COX7A2L: variants seen among roughly 807,000 people sequenced by gnomAD.
COX7A2L encodes the protein cytochrome c oxidase subunit 7A2-like, mitochondrial.
A neutral mutation model predicts 14.2 loss-of-function variants in COX7A2L; 18 were observed. The ratio of observed to expected loss-of-function variants is 1.27; its 90% CI spans 0.88 to 1.88. The LOEUF is 1.88. COX7A2L is among the 40% of genes most tolerant of loss of function. COX7A2L has a pLI of 0.00. For missense variants in COX7A2L, 179 were observed against 138.8 expected, an observed-to-expected ratio of 1.29 and a Z score of -1.46; for synonymous variants, 65 against 57.4, an observed-to-expected ratio of 1.13 and a Z score of -0.60.
intron 1 of COX7A2L, among the ~76,000 whole-genome samples, chr2:42,358,088 C>T (rs78331450): frequency 0.12 from 17,838 of 152,210 alleles, 1,139 homozygotes; most frequent in South Asian, 0.25. Context: ...AAAGTGGCTG[C>T]GTCATTTTAC....
chr2:42,361,547 T>TAG (rs1477681454), upstream of COX7A2L: 1 of 169,726 alleles, frequency 5.9e-6, no homozygotes, highest in African/African-American at 2.4e-5. Flanking sequence ...GAGCATGCTT[T>TAG]AGGAGGGGCG....
At chr2:42,352,469 T>G (rs1051788253) in intron 2 of COX7A2L, among the ~76,000 whole-genome samples, 1 of 152,172 alleles carries the variant, frequency 6.6e-6, no homozygotes, top group African/African-American at 2.4e-5. Flanking sequence ...TATTTTGCAG[T>G]GTCCAAAATC....
At chr2:42,366,289 G>C (rs1376889160) in intron 1 of COX7A2L, among the ~76,000 whole-genome samples, 3 of 152,122 alleles carry the variant, frequency 2.0e-5, no homozygotes, top group Non-Finnish European at 4.4e-5. Flanking sequence ...AGTCGGGCGT[G>C]ATTGCACACC....
At chr2:42,362,494 C>T (rs1042858536), upstream of COX7A2L, among the ~76,000 whole-genome samples, 13 of 152,172 alleles carry the variant, frequency 8.5e-5, no homozygotes, top group Non-Finnish European at 1.2e-4. Flanking sequence ...AGGAAAATGA[C>T]GCCTGGAGAA....
At chr2:42,337,412 A>G (rs1670304090) in intron 2 of COX7A2L, among the ~76,000 whole-genome samples, 1 of 152,192 alleles carries the variant, frequency 6.6e-6, no homozygotes, top group Non-Finnish European at 1.5e-5. Context: ...TGAAATGACA[A>G]AACTACAGAG....
chr2:42,365,331 AG>A (rs945608712), upstream of COX7A2L, among the ~76,000 whole-genome samples: 3 of 152,232 alleles, frequency 2.0e-5, no homozygotes, highest in African/African-American at 7.2e-5. Flanking sequence ...ATACACACAC[AG>A]AAATACAAAG....
In COX7A2L at chr2:42,342,794, C is replaced by T. The variant is rs924542251; in HGVS notation, c.193-8925G>A. Among the ~76,000 whole-genome samples the T allele has an allele frequency of 6.9e-6, 1 of 144,404 alleles. No homozygotes were observed. The highest frequency in any genetic ancestry group is 2.9e-5 in the African/African-American group (1 of 34,266). 94.7% of individuals were successfully genotyped at this position (144,404 alleles called of 152,430 possible). ...GAATGCTCTTCCTGGCCATTCAGCGCCCCCCGTTTCGGGTTTTGCAGCAGA... is the reference window on the plus strand; with the variant it reads ...GAATGCTCTTCCTGGCCATTCAGCGTCCCCCGTTTCGGGTTTTGCAGCAGA... On this transcript the variant is annotated intron_variant, in intron 2 of 2. Transcript: ENST00000468711. The surrounding 1 kb of genome is among the most constrained non-coding windows in gnomAD (Gnocchi z 4.9).
At chr2:42,346,543 T>G (rs550435446), downstream of COX7A2L, among the ~76,000 whole-genome samples, 32 of 152,262 alleles carry the variant, frequency 2.1e-4, 2 homozygotes, top group South Asian at 6.6e-3. Flanking sequence ...TTTGGGAGGC[T>G]ACAGCAGGAG....
At chr2:42,352,972 C>T in intron 2 of COX7A2L, 1 of 551,476 alleles carries the variant, frequency 1.8e-6, no homozygotes. Flanking sequence ...CTATTCATGC[C>T]ATTTCAAAAC....
intron 2 of COX7A2L, among the ~76,000 whole-genome samples, chr2:42,336,800 T>TC (rs1670283577): frequency 6.8e-6 from 1 of 147,688 alleles, no homozygotes; most frequent in East Asian, 2.1e-4. Context: ...GCCACCACCT[T>TC]CAAAGTGGCA....
At chr2:42,362,299 CT>C (rs1671076025), upstream of COX7A2L, among the ~76,000 whole-genome samples, 1 of 152,212 alleles carries the variant, frequency 6.6e-6, no homozygotes, top group African/African-American at 2.4e-5. Flanking sequence ...CAGGGATGGA[CT>C]CAGGCTTTTC....
intron 2 of COX7A2L, among the ~76,000 whole-genome samples, chr2:42,344,085 TA>T (rs1328724020): frequency 6.6e-6 from 1 of 151,792 alleles, no homozygotes; most frequent in African/African-American, 2.4e-5. Flanking sequence ...TTGTGTACCC[TA>T]AAAAAAAATT....
At position 42,339,761 on chromosome 2, in the gene COX7A2L, G is replaced by A. The variant is rs1461562953; in HGVS notation, c.193-5892C>T. The stretch of plus-strand genomic sequence containing the variant: ...GCACTCAGAAGTCGGCCTGTGACCC[G>A]CTCCTGTCAGGGACTCCCACAGGGC... On this transcript the variant is annotated intron_variant, in intron 2 of 2. Transcript: ENST00000468711. The surrounding 1 kb of genome is among the most constrained non-coding windows in gnomAD (Gnocchi z 5.4). 6.6e-6 allele frequency among the ~76,000 whole-genome samples: 1 copy of A among 152,122 alleles called. No homozygotes were observed. Among genetic ancestry groups the A allele is most frequent in the East Asian group, 1.9e-4 (1 of 5,200 alleles).
upstream of COX7A2L, among the ~76,000 whole-genome samples, chr2:42,364,250 C>CAAAAAAAAA (rs35151680): frequency 3.3e-3 from 285 of 85,374 alleles, 5 homozygotes; most frequent in African/African-American, 0.011. Flanking sequence ...GACTCCGTCT[C>CAAAAAAAAA]AAAAAAAAAA....
At chr2:42,357,805 A>G (rs1670874313) in intron 1 of COX7A2L, among the ~76,000 whole-genome samples, 1 of 152,148 alleles carries the variant, frequency 6.6e-6, no homozygotes, top group Admixed American at 6.6e-5. Context: ...TGAAAGGACA[A>G]ACTACCACAA....
chr2:42,363,386 T>C (rs1411329595), upstream of COX7A2L, among the ~76,000 whole-genome samples: 1 of 152,218 alleles, frequency 6.6e-6, no homozygotes, highest in Non-Finnish European at 1.5e-5. Flanking sequence ...TCCCACTGAC[T>C]TCTGGACATA....
upstream of COX7A2L, among the ~76,000 whole-genome samples, chr2:42,364,046 A>T (rs892478305): frequency 4.6e-5 from 7 of 152,260 alleles, no homozygotes; most frequent in East Asian, 7.7e-4. Flanking sequence ...TTAATTTTTT[A>T]AATTCTCTCA....
At chr2:42,360,991 G>T in intron 1 of COX7A2L, 99 bp downstream of exon 1, 3 of 1,289,416 alleles carry the variant, frequency 2.3e-6, no homozygotes, top group Non-Finnish European at 3.3e-6. Flanking sequence ...GAACTCGACC[G>T]CGGGCAGAAG....
chr2:42,364,111 C>T (rs1050229507), upstream of COX7A2L, among the ~76,000 whole-genome samples: 3 of 151,976 alleles, frequency 2.0e-5, no homozygotes, highest in African/African-American at 4.8e-5. Context: ...ATTAGCCGGG[C>T]GTGGTAGCGG....
Sources: gnomAD v4.1 joint callset for allele counts (sites outside exome capture counted in the v4.1 genomes callset) on GRCh38, gnomAD v4.1.1 for gene constraint, Gnocchi (gnomAD v3.1) non-coding constraint, MANE v1.5 for transcripts, NCBI Gene and HGNC (gene_info 2026-07-23, HGNC 2026-07-21) for gene names.